Variants in ZGPAT observed in about 807,000 individuals in gnomAD.
ZGPAT encodes the protein zinc finger CCCH-type with G patch domain-containing protein.
In ZGPAT, 39 loss-of-function variants were observed where a neutral mutation model predicts 47.9. The ratio of observed to expected loss-of-function variants is 0.81; its 90% CI spans 0.63 to 1.06. ZGPAT has a LOEUF of 1.06. Among genes scored for constraint, ZGPAT ranks in the 50% least tolerant of loss-of-function variants. ZGPAT has a pLI of 0.00. For missense variants in ZGPAT, 717 were observed against 681.4 expected (o/e 1.05, Z -0.58); for synonymous variants, 348 against 292.9 (o/e 1.19, Z -1.92).
intron 2 of ZGPAT, among the ~76,000 whole-genome samples, chr20:63,728,968 C>T (rs1411349939): frequency 6.6e-6 from 1 of 151,936 alleles, no homozygotes; most frequent in Non-Finnish European, 1.5e-5. Context: ...TTCCAGAACT[C>T]TGAAAAGTTC....
chr20:63,719,106 A>G (rs906350945), intron 2 of ZGPAT, among the ~76,000 whole-genome samples: 15 of 152,098 alleles, frequency 9.9e-5, no homozygotes, highest in African/African-American at 2.4e-4. Flanking sequence ...TTCTGGTCCA[A>G]TAGTTTCTGA....
At chr20:63,717,293 T>TAC (rs1038210270) in intron 2 of ZGPAT, among the ~76,000 whole-genome samples, 15 of 151,718 alleles carry the variant, frequency 9.9e-5, no homozygotes, top group Non-Finnish European at 1.9e-4. Context: ...TTTCAAGGTA[T>TAC]ACAGTTAAGT....
At chr20:63,716,353 A>T (rs190814386) in intron 2 of ZGPAT, among the ~76,000 whole-genome samples, 1 of 152,106 alleles carries the variant, frequency 6.6e-6, no homozygotes, top group African/African-American at 2.4e-5. Context: ...GATAGTTTGC[A>T]TGCATGTTTC....
At chr20:63,710,924 AAT>A (rs1332954757) in intron 2 of ZGPAT, among the ~76,000 whole-genome samples, 1 of 152,198 alleles carries the variant, frequency 6.6e-6, no homozygotes, top group Non-Finnish European at 1.5e-5. Context: ...TCTTAGAAGA[AAT>A]ATTTACCAAG....
intron 2 of ZGPAT, among the ~76,000 whole-genome samples, chr20:63,730,761 C>T (rs1263822064): frequency 1.3e-5 from 2 of 152,148 alleles, no homozygotes; most frequent in African/African-American, 2.4e-5. Flanking sequence ...GGATTACAGG[C>T]GTGAGCCGCT....
intron 2 of ZGPAT, among the ~76,000 whole-genome samples, chr20:63,712,229 A>T (rs1012081831): frequency 8.5e-5 from 13 of 152,178 alleles, no homozygotes; most frequent in Non-Finnish European, 1.9e-4. Flanking sequence ...GTGGATTTCC[A>T]GTTTTCCCAG....
intron 2 of ZGPAT, among the ~76,000 whole-genome samples, chr20:63,729,025 TC>T (rs1395974141): frequency 1.3e-5 from 2 of 149,952 alleles, no homozygotes; most frequent in Non-Finnish European, 3.0e-5. Flanking sequence ...GATTATTTTT[TC>T]TTTTTTTCTT....
upstream of ZGPAT, chr20:63,707,985 C>CCG (rs1444570394): frequency 1.3e-5 from 2 of 152,066 alleles, no homozygotes; most frequent in Non-Finnish European, 2.9e-5. Flanking sequence ...ATGAGCTGAA[C>CCG]CGCGTCCCAG....
intron 2 of ZGPAT, among the ~76,000 whole-genome samples, chr20:63,732,822 TTG>T (rs1387009221): frequency 1.3e-5 from 2 of 151,078 alleles, no homozygotes; most frequent in Non-Finnish European, 1.5e-5. Flanking sequence ...GTATGTGTAC[TTG>T]TGTGTGCCTG....
chr20:63,733,083 AGAGT>A (rs1232242335), intron 2 of ZGPAT, 132 bp from the exon 3 acceptor site: 34 of 1,110,666 alleles, frequency 3.1e-5, no homozygotes, highest in African/African-American at 6.9e-5. Context: ...TGAGTGTGTG[AGAGT>A]GTGTATGTAT....
intron 2 of ZGPAT, among the ~76,000 whole-genome samples, chr20:63,731,296 C>G (rs1340074979): frequency 6.6e-6 from 1 of 151,246 alleles, no homozygotes; most frequent in Non-Finnish European, 1.5e-5. Flanking sequence ...GTGTGTGAGA[C>G]TGTGTGTGTG....
At chr20:63,715,796 T>C (rs2091721737) in intron 2 of ZGPAT, among the ~76,000 whole-genome samples, 1 of 151,952 alleles carries the variant, frequency 6.6e-6, no homozygotes, top group Non-Finnish European at 1.5e-5. Flanking sequence ...AAATGTTTGA[T>C]AGAATTCAAC....
chr20:63,735,833 C>G lies in ZGPAT; in HGVS notation c.1450C>G (p.Gln484Glu). 4 of 1,612,336 alleles carry G rather than the reference C, an allele frequency of 2.5e-6. No individual in the cohort carries two copies. The highest frequency in any genetic ancestry group is 3.4e-6 in the Non-Finnish European group (4 of 1,179,690). Reference sequence around the variant, plus strand: ...GGAGAAGCTGGCAGGAGCCCAGCGCCAGCTGGGGCAGCTCCGGGCTCAGGA... The same window carrying G: ...GGAGAAGCTGGCAGGAGCCCAGCGCGAGCTGGGGCAGCTCCGGGCTCAGGA... ...LQEKLAGAQR[Q>E]LGQLRAQEAG... The change falls in exon 7 of 7, where the codon CAG becomes GAG. Residue 484 changes from glutamine to glutamate, a missense_variant. Transcript: ENST00000355969.
intron 2 of ZGPAT, among the ~76,000 whole-genome samples, chr20:63,732,721 T>C (rs1455588614): frequency 1.3e-5 from 2 of 151,640 alleles, no homozygotes; most frequent in African/African-American, 2.4e-5. Context: ...CTTGTGTATG[T>C]GTATATGTGT....
chr20:63,732,307 G>A (rs2145694186), intron 2 of ZGPAT, among the ~76,000 whole-genome samples: 1 of 103,346 alleles, frequency 9.7e-6, no homozygotes, highest in East Asian at 2.4e-4. Context: ...GTGCATGTGT[G>A]TGGGTGAGGG....
At chr20:63,729,511 T>C (rs767257148) in intron 2 of ZGPAT, among the ~76,000 whole-genome samples, 5 of 152,206 alleles carry the variant, frequency 3.3e-5, no homozygotes, top group Non-Finnish European at 7.3e-5. Flanking sequence ...GTTTTTAATT[T>C]TCTCTTGTGA....
intron 2 of ZGPAT, among the ~76,000 whole-genome samples, chr20:63,710,157 G>T (rs1431676222): frequency 1.4e-5 from 2 of 147,444 alleles, no homozygotes; most frequent in Non-Finnish European, 3.0e-5. Flanking sequence ...ACCGCGCCTG[G>T]CCTTTTTTTT....
chr20:63,735,901 G>A lies in ZGPAT; in HGVS notation c.1518G>A (p.Lys506=). Residue 506 remains lysine (K), a synonymous_variant, in exon 7 of 7, where the codon AAG becomes AAA. Coordinates refer to ENST00000355969, the MANE Select transcript of ZGPAT (RefSeq NM_181485.3). ...QQEQRKADTH[K]KMTEF The stretch of plus-strand genomic sequence containing the variant: ...AGCAGAGGAAGGCAGACACCCACAA[G>A]AAGATGACTGAGTTCTAGAGACCCC... The A allele has an allele frequency of 1.2e-6, 2 of 1,612,650 alleles. No homozygotes were observed. The highest frequency in any genetic ancestry group is 1.3e-5 in the African/African-American group (1 of 75,066).
intron 2 of ZGPAT, among the ~76,000 whole-genome samples, chr20:63,722,000 G>A (rs975566232): frequency 1.5e-5 from 2 of 133,788 alleles, no homozygotes; most frequent in Admixed American, 8.1e-5. Flanking sequence ...GCGACAGAGT[G>A]AGACTCCATC....
Sources: allele counts gnomAD v4.1 joint callset (sites outside exome capture counted in the v4.1 genomes callset), GRCh38; gene constraint gnomAD v4.1.1; transcripts MANE v1.5; gene names NCBI Gene and HGNC (gene_info 2026-07-23, HGNC 2026-07-21).